DDX6: variants seen among roughly 807,000 people sequenced by gnomAD.
DDX6 encodes probable ATP-dependent RNA helicase DDX6.
Under a neutral mutation model 60.6 loss-of-function variants are expected in DDX6, and 7 were observed. The observed-to-expected ratio is 0.12, with a 90% CI of 0.07 to 0.22. The LOEUF is 0.22. DDX6 is among the 10% of genes least tolerant of loss of function. The probability of loss-of-function intolerance (pLI) is 1.00; values close to 1 mark genes in which losing one functional copy is unlikely to be tolerated. For missense variants in DDX6, 270 were observed against 589.9 expected (o/e 0.46, Z 5.62); for synonymous variants, 207 against 201.0 (o/e 1.03, Z -0.25).
chr11:118,765,005 T>C (rs1555161021), intron 6 of DDX6, among the ~76,000 whole-genome samples: 1 of 152,190 alleles, frequency 6.6e-6, no homozygotes, highest in Non-Finnish European at 1.5e-5. Flanking sequence ...ATTATAAACT[T>C]GCTGTTTTAC....
Position 118,755,438 on chromosome 11 carries a change from G to A in DDX6, c.1240C>T (p.Leu414=), listed in dbSNP as rs1860932963. 1.2e-6 allele frequency: 2 copies of A among 1,610,590 alleles called. No individual in the cohort carries two copies. Among genetic ancestry groups the A allele is most frequent in the African/African-American group, 1.3e-5 (1 of 74,722 alleles). ...NVVINFDFPK[L]AETYLHRIGR... ...ATACGATGGAGATAGGTCTCTGCCAGCTTTGGGAAATCAAAGTTTATTACC... is the reference window on the plus strand; with the variant it reads ...ATACGATGGAGATAGGTCTCTGCCAACTTTGGGAAATCAAAGTTTATTACC... Residue 414 remains leucine (L), a synonymous_variant, in exon 12 of 14, where the codon CTG becomes TTG. Transcript: ENST00000534980.
intron 4 of DDX6, among the ~76,000 whole-genome samples, chr11:118,774,365 T>C (rs182601871): frequency 6.6e-6 from 1 of 152,130 alleles, no homozygotes; most frequent in Admixed American, 6.6e-5. Context: ...GCTCTAGAAA[T>C]ACGTTGTGGG....
chr11:118,788,344 C>G (rs1862149809), intron 1 of DDX6: 2 of 152,452 alleles, frequency 1.3e-5, no homozygotes, highest in Non-Finnish European at 2.9e-5. Flanking sequence ...ACCCACAAAA[C>G]TAGTCAACCT....
intron 4 of DDX6, among the ~76,000 whole-genome samples, chr11:118,776,489 T>C (rs1448275453): frequency 6.6e-6 from 1 of 152,176 alleles, no homozygotes; most frequent in Non-Finnish European, 1.5e-5. Flanking sequence ...CTATGCTAAG[T>C]ACTAGAGATA....
chr11:118,754,679 T>G lies in DDX6; in HGVS notation c.*7+26A>C, dbSNP rs75011565. On this transcript the variant is annotated intron_variant, in intron 13 of 13. Transcript: ENST00000534980. ...TTGATTTCCCTCATTTAAAGGTTCC[T>G]CTTAGCTGTTCTGTCAGGGACGTAC... The G allele has an allele frequency of 9.1e-3, 14,207 of 1,566,192 alleles. 1,092 individuals carry two copies. The African/African-American group carries it at 0.17, about 19-fold the overall frequency.
At chr11:118,774,563 G>C (rs1181470771) in intron 4 of DDX6, among the ~76,000 whole-genome samples, 3 of 143,830 alleles carry the variant, frequency 2.1e-5, no homozygotes, top group African/African-American at 7.8e-5. Context: ...TCAACCTCCT[G>C]AACATCTAAG....
rs782091845 is a variant in DDX6 at position 118,749,358 on chromosome 11, G to GGAA, written c.*2746_*2747insTTC. 5 of 91,796 alleles carry GGAA rather than the reference G, an allele frequency of 5.4e-5. No homozygotes were observed. Among genetic ancestry groups the GGAA allele is most frequent in the Non-Finnish European group, 8.0e-5 (4 of 49,838 alleles). 5.7% of individuals were successfully genotyped at this position (91,796 alleles called of 1,614,324 possible). A position where few individuals can be genotyped will look rare whatever the true frequency, so the allele number is the denominator to read the frequency against. On this transcript the variant is annotated 3_prime_UTR_variant, in exon 14 of 14. Transcript: ENST00000534980. ...TTATTATGAGGGCCCAAAAAAGAAA[G>GGAA]AAAAAAAAAAAAAAAAAAAAAAAGA...
chr11:118,790,507 C>T (rs558963043), intron 1 of DDX6: 1 of 152,202 alleles, frequency 6.6e-6, no homozygotes, highest in Non-Finnish European at 1.5e-5. Context: ...TGCTTCTAAA[C>T]CGAGCCCTCC....
chr11:118,761,838 A>T (rs551266338), intron 7 of DDX6, among the ~76,000 whole-genome samples: 95 of 141,518 alleles, frequency 6.7e-4, no homozygotes, highest in Admixed American at 1.5e-3. Context: ...CCTACCTTAT[A>T]GGTTTCTTGT....
intron 7 of DDX6, among the ~76,000 whole-genome samples, 167 bp from the exon 8 acceptor site, chr11:118,760,211 A>AG (rs1429243637): frequency 6.6e-6 from 1 of 152,214 alleles, no homozygotes; most frequent in Non-Finnish European, 1.5e-5. Context: ...AATATGCAGA[A>AG]GGGGGCAAAA....
intron 4 of DDX6, among the ~76,000 whole-genome samples, chr11:118,779,417 G>T (rs1861813778): frequency 6.6e-6 from 1 of 152,132 alleles, no homozygotes; most frequent in South Asian, 2.1e-4. Context: ...TAACTGTACT[G>T]TGGTTACGTA....
intron 4 of DDX6, among the ~76,000 whole-genome samples, chr11:118,768,754 A>G (rs922914011): frequency 1.3e-5 from 2 of 152,150 alleles, no homozygotes; most frequent in Admixed American, 1.3e-4. Flanking sequence ...TCATGCCTGT[A>G]GTCCCAGCAC....
At chr11:118,757,068 G>A (rs782195996) in intron 10 of DDX6, 103 bp downstream of exon 10, 3 of 609,184 alleles carry the variant, frequency 4.9e-6, no homozygotes, top group South Asian at 3.9e-5. Flanking sequence ...TGGCTACTAA[G>A]GAACAGTTTA....
chr11:118,767,458 T>A (rs1555161467), intron 5 of DDX6, among the ~76,000 whole-genome samples: 3 of 152,122 alleles, frequency 2.0e-5, no homozygotes, highest in African/African-American at 4.8e-5. Context: ...CTATGAAAAT[T>A]TTTTATTCCC....
intron 5 of DDX6, among the ~76,000 whole-genome samples, chr11:118,767,250 T>A (rs1861384719): frequency 6.6e-6 from 1 of 152,206 alleles, no homozygotes; most frequent in African/African-American, 2.4e-5. Context: ...TCAAAGTTTA[T>A]TAACAATATT....
chr11:118,772,406 A>G (rs917989606), intron 4 of DDX6, among the ~76,000 whole-genome samples: 1 of 152,236 alleles, frequency 6.6e-6, no homozygotes. Context: ...CACAAAAAAA[A>G]CACATACTAT....
intron 6 of DDX6, among the ~76,000 whole-genome samples, chr11:118,764,510 A>C (rs1237388593): frequency 6.6e-6 from 1 of 152,108 alleles, no homozygotes; most frequent in Non-Finnish European, 1.5e-5. Context: ...GATTCTTAAA[A>C]ATATACATTT....
At chr11:118,782,311 T>C (rs1861925842) in intron 2 of DDX6, among the ~76,000 whole-genome samples, 1 of 151,808 alleles carries the variant, frequency 6.6e-6, no homozygotes, top group Non-Finnish European at 1.5e-5. Flanking sequence ...TTATTGGAAA[T>C]GCTAGAAATC....
In DDX6 at chr11:118,748,641, G is replaced by A. The variant is rs1488018437; in HGVS notation, c.*3464C>T. ...ACTCATCTAGAAGGTCAGGAGTGTG[G>A]CTAAAGGCAGTTTCTGATGAGGTTA... On this transcript the variant is annotated 3_prime_UTR_variant, in exon 14 of 14. Coordinates refer to ENST00000534980, the MANE Select transcript of DDX6 (RefSeq NM_004397.6). The A allele has an allele frequency of 2.0e-5, 3 of 151,982 alleles. No individual in the cohort carries two copies. The highest frequency in any genetic ancestry group is 4.4e-5 in the Non-Finnish European group (3 of 68,004). 9.4% of individuals were successfully genotyped at this position (151,982 alleles called of 1,614,324 possible).
Sources: gnomAD v4.1 joint callset for allele counts (sites outside exome capture counted in the v4.1 genomes callset) on GRCh38, gnomAD v4.1.1 for gene constraint, MANE v1.5 for transcripts, NCBI Gene and HGNC (gene_info 2026-07-23, HGNC 2026-07-21) for gene names.